The following CNTNAP5 variants were observed in gnomAD, a reference collection of about 807,000 sequenced individuals.
The protein encoded by CNTNAP5 is contactin-associated protein-like 5.
CNTNAP5 carries 72 observed loss-of-function variants against 150.2 expected under a neutral mutation model. The ratio of observed to expected loss-of-function variants is 0.48; its 90% CI spans 0.40 to 0.58. The LOEUF is 0.58. Ranked by LOEUF, CNTNAP5 falls within the 20% of genes least tolerant of loss-of-function variation. The pLI is 0.00. For missense variants in CNTNAP5, 1,636 were observed against 1,626.2 expected (o/e 1.01, Z -0.10); for synonymous variants, 672 against 619.8 (o/e 1.08, Z -1.25).
At chr2:124,197,734 C>A (rs1362517858) in intron 1 of CNTNAP5, among the ~76,000 whole-genome samples, 1 of 152,128 alleles carries the variant, frequency 6.6e-6, no homozygotes, top group African/African-American at 2.4e-5. Context: ...GTAATCCCAG[C>A]ACTTTGGGAG....
intron 11 of CNTNAP5, among the ~76,000 whole-genome samples, chr2:124,583,335 G>A (rs990744220): frequency 3.3e-5 from 5 of 152,160 alleles, no homozygotes; most frequent in Non-Finnish European, 7.3e-5. Context: ...GTACATAGCC[G>A]GGAACGATAT....
intron 17 of CNTNAP5, among the ~76,000 whole-genome samples, chr2:124,786,406 G>A (rs7421970): frequency 0.012 from 751 of 63,126 alleles, 3 homozygotes; most frequent in Middle Eastern, 0.051. Context: ...AAAGAAGGAA[G>A]GAAGGAAGGA....
At chr2:124,728,595 T>C (rs1468742619) in intron 13 of CNTNAP5, among the ~76,000 whole-genome samples, 1 of 152,104 alleles carries the variant, frequency 6.6e-6, no homozygotes, top group African/African-American at 2.4e-5. Flanking sequence ...TTTTAATACA[T>C]ATGCATTATT....
At chr2:124,543,564 C>T (rs1393973270) in intron 10 of CNTNAP5, among the ~76,000 whole-genome samples, 5 of 152,132 alleles carry the variant, frequency 3.3e-5, no homozygotes, top group Non-Finnish European at 5.9e-5. Flanking sequence ...GTAACCATGT[C>T]GGCTGTTTAT....
intron 1 of CNTNAP5, among the ~76,000 whole-genome samples, chr2:124,092,204 G>A (rs975183983): frequency 2.6e-5 from 4 of 152,188 alleles, no homozygotes; most frequent in African/African-American, 9.7e-5. Context: ...GAAAGGTTAA[G>A]GGATTTATTT....
At chr2:124,906,431 A>G (rs1429158350) in intron 22 of CNTNAP5, among the ~76,000 whole-genome samples, 1 of 152,096 alleles carries the variant, frequency 6.6e-6, no homozygotes, top group Non-Finnish European at 1.5e-5. Context: ...CCCAGCACAC[A>G]CTAAGAACAA....
rs1169913893 is a variant in CNTNAP5, at chr2:124,609,896, C to T, written c.1852C>T (p.Leu618Phe). 5 of 1,613,976 alleles carry T rather than the reference C, an allele frequency of 3.1e-6. No individual in the cohort carries two copies. Among genetic ancestry groups the T allele is most frequent in the Non-Finnish European group, 3.4e-6 (4 of 1,179,850 alleles). Residue 618 changes from leucine to phenylalanine, a missense_variant, in exon 12 of 24, where the codon CTC becomes TTC. Transcript: ENST00000682447. ...AGATGGCAGCGGCCCACTGGGACCTCTCCAGGTGTACTGCAATATCACTGG... is the reference window on the plus strand; with the variant it reads ...AGATGGCAGCGGCCCACTGGGACCTTTCCAGGTGTACTGCAATATCACTGG... ...DSDGSGPLGPLQVYCNITEDK... is the reference protein window; with the variant it reads ...DSDGSGPLGPFQVYCNITEDK...
chr2:124,813,614 T>C (rs1486848061), intron 19 of CNTNAP5, among the ~76,000 whole-genome samples: 2 of 151,652 alleles, frequency 1.3e-5, no homozygotes, highest in Non-Finnish European at 2.9e-5. Flanking sequence ...CAAAATGAAC[T>C]CAAGCTCTAC....
chr2:124,795,461 C>A (rs1681824967), intron 18 of CNTNAP5, among the ~76,000 whole-genome samples: 1 of 152,124 alleles, frequency 6.6e-6, no homozygotes, highest in South Asian at 2.1e-4. Flanking sequence ...ACACATCAAG[C>A]CCAAGGTTAA....
chr2:124,712,642 T>C (rs1558746137), intron 13 of CNTNAP5, among the ~76,000 whole-genome samples: 1 of 152,170 alleles, frequency 6.6e-6, no homozygotes. Context: ...CAAGATCAAG[T>C]TGTCAGAAGG....
chr2:124,751,773 C>T (rs773750049), intron 14 of CNTNAP5, among the ~76,000 whole-genome samples: 3 of 152,188 alleles, frequency 2.0e-5, no homozygotes, highest in African/African-American at 7.2e-5. Context: ...TTGTATAGCA[C>T]GCAGTGGATA....
chr2:124,273,384 T>A (rs900648435), intron 3 of CNTNAP5, among the ~76,000 whole-genome samples: 1 of 152,182 alleles, frequency 6.6e-6, no homozygotes, highest in Non-Finnish European at 1.5e-5. Context: ...AAGAGAAAGA[T>A]GGACATCCAG....
intron 6 of CNTNAP5, among the ~76,000 whole-genome samples, chr2:124,471,032 T>C (rs1693501600): frequency 6.6e-6 from 1 of 152,150 alleles, no homozygotes; most frequent in Non-Finnish European, 1.5e-5. Flanking sequence ...TCTTTTTGCT[T>C]AGGATTGTCT....
intron 11 of CNTNAP5, 63 bp downstream of exon 11, chr2:124,563,386 C>T: frequency 4.2e-6 from 4 of 948,742 alleles, no homozygotes; most frequent in Non-Finnish European, 6.6e-6. Flanking sequence ...CCATTGTTAA[C>T]TTCAGGATGT....
intron 1 of CNTNAP5, among the ~76,000 whole-genome samples, chr2:124,167,038 G>A (rs1275332817): frequency 3.3e-5 from 5 of 151,734 alleles, no homozygotes; most frequent in Admixed American, 1.3e-4. Flanking sequence ...TCTCATTTTT[G>A]TATATATTTT....
intron 13 of CNTNAP5, among the ~76,000 whole-genome samples, chr2:124,655,540 TATA>T (rs1678425365): frequency 3.8e-5 from 1 of 26,250 alleles, no homozygotes; most frequent in African/African-American, 1.8e-4. Flanking sequence ...CAAATGATTA[TATA>T]TATATATATA....
At chr2:124,311,190 C>G (rs1471359152) in intron 3 of CNTNAP5, among the ~76,000 whole-genome samples, 1 of 151,842 alleles carries the variant, frequency 6.6e-6, no homozygotes, top group African/African-American at 2.4e-5. Context: ...ATTTTTTTCC[C>G]TGCCTGTATT....
In CNTNAP5 at chr2:124,713,372, T is replaced by TTTCTTTC. The variant is rs1457714240; in HGVS notation, c.2078-33852_2078-33846dup. On this transcript the variant is annotated intron_variant, in intron 13 of 23. Coordinates refer to ENST00000682447, the MANE Select transcript of CNTNAP5 (RefSeq NM_001367498.1). Reference sequence around the variant, plus strand: ...CTTTCTTTCTTTCTTTCTTTCTTTCTTTCTTTCTTCTCCCTCTTTTTTTGA... The same window carrying TTTCTTTC: ...CTTTCTTTCTTTCTTTCTTTCTTTCTTTCTTTCTTCTTTCTTCTCCCTCTTTTTTTGA... 1.1e-4 allele frequency among the ~76,000 whole-genome samples: 15 copies of TTTCTTTC among 137,090 alleles called. 1 individual carries two copies. The East Asian group carries it at 3.6e-3, about 33-fold the overall frequency. The allele number at this position is 137,090 out of a possible 152,430, so 89.9% of individuals were successfully genotyped here. A position where few individuals can be genotyped will look rare whatever the true frequency, so the allele number is the denominator to read the frequency against.
At chr2:124,718,856 A>T (rs1038695319) in intron 13 of CNTNAP5, among the ~76,000 whole-genome samples, 25 of 151,986 alleles carry the variant, frequency 1.6e-4, no homozygotes, top group Non-Finnish European at 1.8e-4. Context: ...GAGGCAGGGG[A>T]ATCTCTTGAA....
Sources: allele counts gnomAD v4.1 joint callset (sites outside exome capture counted in the v4.1 genomes callset), GRCh38; gene constraint gnomAD v4.1.1; transcripts MANE v1.5; gene names NCBI Gene and HGNC (gene_info 2026-07-23, HGNC 2026-07-21).